Variants in DIP2C observed in about 807,000 individuals in gnomAD.
The protein encoded by DIP2C is DIP2 acetate--CoA ligase C (putative).
Under a neutral mutation model 192.4 loss-of-function variants are expected in DIP2C, and 33 were observed. That is an observed-to-expected ratio of 0.17 (90% confidence interval 0.13 to 0.23). DIP2C has a LOEUF of 0.23. DIP2C is among the 10% of genes least tolerant of loss of function. The pLI, the probability that DIP2C is intolerant of heterozygous loss-of-function variation, is 1.00. For synonymous variants in DIP2C, 979 were observed against 864.1 expected (o/e 1.13, Z -2.33); for missense variants, 1,537 against 2,110.1 (o/e 0.73, Z 5.32).
At chr10:309,854 G>A (rs1017732764) in intron 32 of DIP2C, among the ~76,000 whole-genome samples, 177 bp downstream of exon 32, 7 of 152,088 alleles carry the variant, frequency 4.6e-5, no homozygotes, top group African/African-American at 1.7e-4. Context: ...CCTGGCCAGA[G>A]TTTTCAATTG....
At position 686,966 on chromosome 10, in the gene DIP2C, G is replaced by A. The variant is rs1257285875; in HGVS notation, c.85+2528C>T. On this transcript the variant is annotated intron_variant, in intron 1 of 36. Coordinates refer to ENST00000280886, the MANE Select transcript of DIP2C (RefSeq NM_014974.3). ...TCAGTCTATGTTATGTGCTTAAAAC[G>A]GAACTTTTTCCATCCTCCTCTGTAG... 2.6e-5 allele frequency among the ~76,000 whole-genome samples: 4 copies of A among 152,214 alleles called. 1 individual carries two copies. In the South Asian group the frequency reaches 6.2e-4, roughly 24 times the overall value.
At chr10:458,921 T>C (rs1314329651) in intron 3 of DIP2C, among the ~76,000 whole-genome samples, 1 of 144,538 alleles carries the variant, frequency 6.9e-6, no homozygotes, top group East Asian at 2.0e-4. Context: ...CACTAAACTA[T>C]CCTCAGCATA....
chr10:417,636 G>C (rs865828005), intron 6 of DIP2C, among the ~76,000 whole-genome samples: 241 of 11,680 alleles, frequency 0.021, 6 homozygotes, highest in South Asian at 0.09. Context: ...GTCAGGGCTC[G>C]GATAGGCCTC....
At chr10:685,135 CAAAAAAAAA>C (rs140709069) in intron 1 of DIP2C, among the ~76,000 whole-genome samples, 40 of 72,960 alleles carry the variant, frequency 5.5e-4, no homozygotes, top group African/African-American at 2.8e-3. Flanking sequence ...ACTTGGTCCC[CAAAAAAAAA>C]AAAAAAAAAA....
chr10:669,594 C>CTT (rs1453742223), intron 1 of DIP2C: 1 of 152,204 alleles, frequency 6.6e-6, no homozygotes, highest in Non-Finnish European at 1.5e-5. Context: ...CACACTGTGT[C>CTT]TTTCTTTAAG....
intron 5 of DIP2C, among the ~76,000 whole-genome samples, chr10:419,709 C>T (rs7896737): frequency 0.41 from 62,733 of 151,978 alleles, 13,286 homozygotes; most frequent in East Asian, 0.5. Flanking sequence ...TGAGTTAACA[C>T]GTATACAGTT....
Position 414,071 on chromosome 10 carries a change from G to A in DIP2C, c.899C>T (p.Ala300Val). ...PDPNQPKPEG[A>V]QMLAMRGEQL... The stretch of plus-strand genomic sequence containing the variant: ...CTCTCCGCGCATGGCCAGCATCTGG[G>A]CCCCCTCCGGCTTTGGTTGGTTCGG... The change falls in exon 8 of 37, where the codon GCC becomes GTC. Residue 300 changes from alanine to valine, a missense_variant. By Grantham distance (64) the Ala-to-Val change is moderately conservative. Coordinates refer to ENST00000280886, the MANE Select transcript of DIP2C (RefSeq NM_014974.3). The A allele has an allele frequency of 1.2e-6, 2 of 1,613,872 alleles. No homozygotes were observed. The highest frequency in any genetic ancestry group is 1.7e-6 in the Non-Finnish European group (2 of 1,179,810).
At chr10:681,761 AAG>A (rs1254553508) in intron 1 of DIP2C, among the ~76,000 whole-genome samples, 12 of 152,254 alleles carry the variant, frequency 7.9e-5, no homozygotes, top group African/African-American at 2.9e-4. Flanking sequence ...GTGATTGTGG[AAG>A]AGTTTCTCTC....
rs780375175 is a variant in DIP2C at position 369,618 on chromosome 10, A to C, written c.2007T>G (p.Ser669Arg). 6.2e-7 allele frequency: 1 copy of C among 1,614,068 alleles called. No individual in the cohort carries two copies. The highest frequency in any genetic ancestry group is 1.1e-5 in the South Asian group (1 of 91,056). Residue 669 changes from serine (S) to arginine (R), a missense_variant, in exon 18 of 37, where the codon AGT becomes AGG. By Grantham distance (110) the Ser-to-Arg change is moderately radical (BLOSUM62 -1). Around this residue, in one of 4 missense-constraint regions of DIP2C, gnomAD observed 677 missense variants for 989.9 expected, o/e 0.68. Transcript: ENST00000280886. ...GGACACCCCGGCCCGGGGGCTGGTT[A>C]CTGTCATCCGTGGGCCTGTAATGAC... ...TVAIRRPTDD[S>R]NQPPGRGVLS...
chr10:420,708 G>A (rs563609509), intron 5 of DIP2C, among the ~76,000 whole-genome samples: 4 of 152,276 alleles, frequency 2.6e-5, no homozygotes, highest in African/African-American at 4.8e-5. Context: ...CTTAATTGCC[G>A]GCATAATTAA....
At chr10:422,698 C>G (rs1966280428) in intron 5 of DIP2C, 126 bp downstream of exon 5, 1 of 1,182,544 alleles carries the variant, frequency 8.5e-7, no homozygotes, top group African/African-American at 1.5e-5. Context: ...CAAAGCACCC[C>G]AGGGGCCAGA....
intron 13 of DIP2C, 114 bp from the exon 14 acceptor site, chr10:387,923 C>T (rs373299227): frequency 1.3e-5 from 16 of 1,207,282 alleles, no homozygotes; most frequent in African/African-American, 7.5e-5. Context: ...GGGAAAATAT[C>T]ATTTTGCCGT....
chr10:511,388 TC>T (rs1250070054), intron 1 of DIP2C, among the ~76,000 whole-genome samples: 8 of 152,234 alleles, frequency 5.3e-5, no homozygotes, highest in African/African-American at 1.7e-4. Flanking sequence ...AAGGAAAACT[TC>T]TGTTACCAGG....
chr10:568,783 A>AAAAAAAAACAAAC (rs1849599619), intron 1 of DIP2C, among the ~76,000 whole-genome samples: 3 of 146,840 alleles, frequency 2.0e-5, no homozygotes, highest in African/African-American at 7.6e-5. Context: ...AAAAAAAAAA[A>AAAAAAAAACAAAC]AAAAAAAAAA....
chr10:567,612 C>G (rs1198956995), intron 1 of DIP2C, among the ~76,000 whole-genome samples: 1 of 152,192 alleles, frequency 6.6e-6, no homozygotes. Context: ...GCTTACAAGC[C>G]GTGAGCACCA....
At position 390,105 on chromosome 10, in the gene DIP2C, C is replaced by G; in HGVS notation, c.1495-12G>C. 6.2e-7 allele frequency: 1 copy of G among 1,612,752 alleles called. No homozygotes were observed. The highest frequency in any genetic ancestry group is 1.1e-5 in the South Asian group (1 of 90,878). On this transcript the variant is annotated splice_polypyrimidine_tract_variant and intron_variant, in intron 12 of 36. Coordinates refer to ENST00000280886, the MANE Select transcript of DIP2C (RefSeq NM_014974.3). Reference sequence around the variant, plus strand: ...TTACACGTCTTGTACTGAAACGAGACAAAGCGTGAGGGAAGTGGGGCTGAC... The same window carrying G: ...TTACACGTCTTGTACTGAAACGAGAGAAAGCGTGAGGGAAGTGGGGCTGAC...
intron 15 of DIP2C, 44 bp from the exon 16 acceptor site, chr10:384,190 A>T: frequency 1.3e-6 from 2 of 1,596,974 alleles, no homozygotes; most frequent in Non-Finnish European, 1.7e-6. Flanking sequence ...CCACCGTCAG[A>T]TCGTCCCCTA....
At chr10:594,107 G>A (rs118143000) in intron 1 of DIP2C, among the ~76,000 whole-genome samples, 6 of 152,332 alleles carry the variant, frequency 3.9e-5, no homozygotes, top group Non-Finnish European at 8.8e-5. Context: ...GCAGTGGGAT[G>A]ACAGAGGGGC....
At chr10:321,581 G>A (rs1022512588) in intron 31 of DIP2C, among the ~76,000 whole-genome samples, 2 of 139,278 alleles carry the variant, frequency 1.4e-5, no homozygotes, top group Non-Finnish European at 1.5e-5. Context: ...TCGGGGGTGC[G>A]GGGCTCCAGC....
Sources: allele counts gnomAD v4.1 joint callset (sites outside exome capture counted in the v4.1 genomes callset), GRCh38; gene constraint gnomAD v4.1.1; regional missense constraint gnomAD v4.1.1; transcripts MANE v1.5; gene names NCBI Gene and HGNC (gene_info 2026-07-23, HGNC 2026-07-21).